HVCN1: variants seen among roughly 807,000 people sequenced by gnomAD.
The protein encoded by HVCN1 is hydrogen voltage gated channel 1, also known as voltage-gated hydrogen channel 1.
A neutral mutation model predicts 29.2 loss-of-function variants in HVCN1; 14 were observed. That is an observed-to-expected ratio of 0.48 (90% confidence interval 0.32 to 0.75). The LOEUF is 0.75. Among genes scored for constraint, HVCN1 ranks in the 30% least tolerant of loss-of-function variants. The pLI is 0.04. For synonymous variants in HVCN1, 131 were observed against 133.2 expected (o/e 0.98, Z 0.11); for missense variants, 263 against 341.8 (o/e 0.77, Z 1.82).
intron 2 of HVCN1, among the ~76,000 whole-genome samples, chr12:110,684,410 C>G (rs1001731387): frequency 1.3e-5 from 2 of 152,142 alleles, no homozygotes; most frequent in Non-Finnish European, 2.9e-5. Flanking sequence ...CTCTGAAAAA[C>G]AGTAAAACCT....
Position 110,701,883 on chromosome 12 carries a change from AAAC to A in HVCN1, c.-104+423_-104+425del, listed in dbSNP as rs376581552. Among the ~76,000 whole-genome samples, 1,378 of 149,750 alleles carry A rather than the reference AAAC, an allele frequency of 9.2e-3. 9 individuals carry two copies. Among genetic ancestry groups the A allele is most frequent in the Middle Eastern group, 0.024 (7 of 294 alleles). ...AAAACAAAACAAAACAACAAGAACA[AAAC>A]AACAACAACAACAACAACAACAACA... On this transcript the variant is annotated intron_variant, in intron 2 of 4. Coordinates refer to the HVCN1 transcript ENST00000546713.
intron 3 of HVCN1, among the ~76,000 whole-genome samples, chr12:110,679,213 G>A (rs55945007): frequency 0.14 from 22,003 of 152,218 alleles, 1,941 homozygotes; most frequent in African/African-American, 0.25. Context: ...TCTGGGTGTG[G>A]TCTGGGTGCT....
At chr12:110,682,992 C>A in intron 3 of HVCN1, 1 of 477,644 alleles carries the variant, frequency 2.1e-6, no homozygotes, top group South Asian at 2.6e-5. Flanking sequence ...AAAAACCGCA[C>A]ATAGTTATTA....
Position 110,676,074 on chromosome 12 carries a change from A to G in HVCN1, c.21+7151T>C, listed in dbSNP as rs1174482116. Among the ~76,000 whole-genome samples the G allele has an allele frequency of 6.6e-6, 1 of 152,186 alleles. No homozygotes were observed. The highest frequency in any genetic ancestry group is 2.4e-5 in the African/African-American group (1 of 41,434). ...AGCTGGGTGTGCTGCTTCCTGGTCC[A>G]GGGTCTTAACACCACCCAGGCAGGG... On this transcript the variant is annotated intron_variant, in intron 3 of 7. Coordinates refer to ENST00000242607, the MANE Select transcript of HVCN1 (RefSeq NM_032369.4). The surrounding 1 kb of genome is among the most constrained non-coding windows in gnomAD (Gnocchi z 4.1).
chr12:110,668,132 G>A (rs1037329019), intron 3 of HVCN1, among the ~76,000 whole-genome samples: 4 of 152,052 alleles, frequency 2.6e-5, no homozygotes, highest in African/African-American at 9.7e-5. Flanking sequence ...GTAGTGTGGC[G>A]TACAGAGCAC....
In HVCN1 at chr12:110,668,882, G is replaced by A. The variant is rs1213973195; in HGVS notation, c.22-7434C>T. ...TGAATCTGCTGTGCTTGGCAATCTC[G>A]CCCCCTGCTTCTCCTGCTATCTCTG... On this transcript the variant is annotated intron_variant, in intron 3 of 7. Transcript: ENST00000242607. 3.3e-5 allele frequency among the ~76,000 whole-genome samples: 5 copies of A among 151,988 alleles called. No individual in the cohort carries two copies. The South Asian group carries it at 1.0e-3, about 32-fold the overall frequency.
chr12:110,653,592 A>G (rs1265930036), intron 5 of HVCN1, among the ~76,000 whole-genome samples: 1 of 152,190 alleles, frequency 6.6e-6, no homozygotes, highest in Non-Finnish European at 1.5e-5. Flanking sequence ...CTGTAATCCC[A>G]GCACTTTGGG....
intron 2 of HVCN1, chr12:110,688,046 T>G (rs1013534736): frequency 6.6e-6 from 1 of 152,244 alleles, no homozygotes; most frequent in South Asian, 2.1e-4. Context: ...CAGATAGCCC[T>G]GAACAACCTG....
rs2067662428 is a variant in HVCN1 at position 110,649,223 on chromosome 12, T to A, written c.*187A>T. The A allele has an allele frequency of 1.5e-6, 1 of 673,536 alleles. No individual in the cohort carries two copies. Among genetic ancestry groups the A allele is most frequent in the African/African-American group, 1.8e-5 (1 of 55,594 alleles). 41.7% of individuals were successfully genotyped at this position (673,536 alleles called of 1,614,324 possible). Reference sequence around the variant, plus strand: ...TGATACAGTGTGGGGTGGGAGTGGATGGGCAGCTCTTGGTGGTACTGGACC... The same window carrying A: ...TGATACAGTGTGGGGTGGGAGTGGAAGGGCAGCTCTTGGTGGTACTGGACC... On this transcript the variant is annotated 3_prime_UTR_variant, in exon 8 of 8. Coordinates refer to ENST00000242607, the MANE Select transcript of HVCN1 (RefSeq NM_032369.4).
In HVCN1 at chr12:110,676,664, C is replaced by G. The variant is rs987225366; in HGVS notation, c.21+6561G>C. 3.3e-5 allele frequency among the ~76,000 whole-genome samples: 5 copies of G among 152,170 alleles called. No individual in the cohort carries two copies. The highest frequency in any genetic ancestry group is 9.7e-5 in the African/African-American group (4 of 41,446). On this transcript the variant is annotated intron_variant, in intron 3 of 7. Coordinates refer to ENST00000242607, the MANE Select transcript of HVCN1 (RefSeq NM_032369.4). The surrounding 1 kb of genome is among the most constrained non-coding windows in gnomAD (Gnocchi z 4.1). Reference sequence around the variant, plus strand: ...AAACACTTCACACATCTTGTCACAACTCCCTGCTGGAGGAAATAAGTGTGA... The same window carrying G: ...AAACACTTCACACATCTTGTCACAAGTCCCTGCTGGAGGAAATAAGTGTGA...
At chr12:110,688,475 G>C (rs1056242729) in intron 2 of HVCN1, 150 bp downstream of exon 2, 5 of 152,374 alleles carry the variant, frequency 3.3e-5, no homozygotes, top group Admixed American at 3.3e-4. Flanking sequence ...TTGCTTCCCC[G>C]GGGCTCCTCC....
intron 2 of HVCN1, among the ~76,000 whole-genome samples, chr12:110,702,108 C>T (rs2069570432): frequency 6.6e-6 from 1 of 151,676 alleles, no homozygotes. Context: ...CTTGGTCTAA[C>T]ACATCACAGG....
At chr12:110,679,191 C>A (rs143390014) in intron 3 of HVCN1, among the ~76,000 whole-genome samples, 86 of 152,320 alleles carry the variant, frequency 5.6e-4, no homozygotes, top group African/African-American at 1.9e-3. Flanking sequence ...TCAGAGCTTC[C>A]AATTCAACCC....
At chr12:110,655,373 A>T in intron 4 of HVCN1, 35 bp from the exon 5 acceptor site, 1 of 1,504,882 alleles carries the variant, frequency 6.6e-7, no homozygotes, top group Non-Finnish European at 9.2e-7. Flanking sequence ...AGATCATGAG[A>T]CCCCCACAGA....
chr12:110,653,845 A>G (rs1425208096), intron 5 of HVCN1, among the ~76,000 whole-genome samples: 1 of 152,120 alleles, frequency 6.6e-6, no homozygotes, highest in Non-Finnish European at 1.5e-5. Context: ...CAAAAAAATA[A>G]AGAGAGACAT....
intron 4 of HVCN1, among the ~76,000 whole-genome samples, chr12:110,660,354 T>G (rs1255106395): frequency 2.6e-5 from 4 of 152,194 alleles, no homozygotes; most frequent in Non-Finnish European, 4.4e-5. Context: ...CAGCTCTGCT[T>G]TCTCCCTGCA....
intron 3 of HVCN1, chr12:110,682,969 A>C (rs1256022403): frequency 2.1e-5 from 9 of 419,936 alleles, no homozygotes; most frequent in Non-Finnish European, 3.4e-5. Context: ...CATCTCAAAA[A>C]AAAAAAAACA....
intron 3 of HVCN1, among the ~76,000 whole-genome samples, chr12:110,665,474 C>T (rs542960914): frequency 4.7e-4 from 70 of 150,452 alleles, no homozygotes; most frequent in African/African-American, 1.6e-3. Flanking sequence ...GAGAATTGCT[C>T]GAACCTGGGA....
chr12:110,664,918 G>A (rs1160170889), intron 3 of HVCN1, among the ~76,000 whole-genome samples: 1 of 152,206 alleles, frequency 6.6e-6, no homozygotes, highest in East Asian at 1.9e-4. Context: ...ACTGGGTTGG[G>A]AGATATGTGA....
Sources: gnomAD v4.1 joint callset for allele counts (sites outside exome capture counted in the v4.1 genomes callset) on GRCh38, gnomAD v4.1.1 for gene constraint, Gnocchi (gnomAD v3.1) non-coding constraint, MANE v1.5 for transcripts, NCBI Gene and HGNC (gene_info 2026-07-23, HGNC 2026-07-21) for gene names.